BMPR2: variants seen among roughly 807,000 people sequenced by gnomAD.
BMPR2 encodes bone morphogenetic protein receptor type 2.
Under a neutral mutation model 100.8 loss-of-function variants are expected in BMPR2, and 29 were observed. The ratio of observed to expected loss-of-function variants is 0.29; its 90% CI spans 0.21 to 0.39. BMPR2 has a LOEUF of 0.39. Among genes scored for constraint, BMPR2 ranks in the 10% least tolerant of loss-of-function variants. The pLI is 1.00. For missense variants in BMPR2, 1,011 were observed against 1,274.5 expected (o/e 0.79, Z 3.15); for synonymous variants, 382 against 442.3 (o/e 0.86, Z 1.71).
At chr2:202,395,332 A>G (rs892338585) in intron 1 of BMPR2, among the ~76,000 whole-genome samples, 1 of 152,210 alleles carries the variant, frequency 6.6e-6, no homozygotes, top group African/African-American at 2.4e-5. Context: ...ATATCTTTAC[A>G]CCAATTGTGT....
At position 202,532,492 on chromosome 2, in the gene BMPR2, A is replaced by G; in HGVS notation, c.1129-93A>G. The G allele has an allele frequency of 6.9e-7, 1 of 1,453,650 alleles. No individual in the cohort carries two copies. Among genetic ancestry groups the G allele is most frequent in the Non-Finnish European group, 9.5e-7 (1 of 1,048,434 alleles). The allele number at this position is 1,453,650 out of a possible 1,614,324, so 90.0% of individuals were successfully genotyped here. On this transcript the variant is annotated intron_variant, in intron 8 of 12. Coordinates refer to ENST00000374580, the MANE Select transcript of BMPR2 (RefSeq NM_001204.7). The surrounding 1 kb of genome is among the most constrained non-coding windows in gnomAD (Gnocchi z 4.1). ...ATGGTTAGGGTCAAATAACATTGAC[A>G]TGACTAAGATTTATATATAACTTCT... is the stretch of plus-strand genomic sequence containing the variant.
chr2:202,468,065 G>GT (rs1320250056), intron 3 of BMPR2, among the ~76,000 whole-genome samples: 1 of 151,912 alleles, frequency 6.6e-6, no homozygotes, highest in Non-Finnish European at 1.5e-5. Flanking sequence ...ATTCAAAGTT[G>GT]TTGGGAGTGA....
intron 1 of BMPR2, among the ~76,000 whole-genome samples, chr2:202,383,489 C>T (rs911449102): frequency 2.0e-5 from 3 of 151,866 alleles, no homozygotes; most frequent in East Asian, 1.9e-4. Flanking sequence ...GAGACCAACC[C>T]GGCCAACGTG....
At chr2:202,482,153 T>C (rs1475449344) in intron 3 of BMPR2, among the ~76,000 whole-genome samples, 1 of 152,228 alleles carries the variant, frequency 6.6e-6, no homozygotes, top group Non-Finnish European at 1.5e-5. Context: ...TAGCATGTGT[T>C]AGAATTTTTT....
chr2:202,527,756 G>T (rs57267144), intron 7 of BMPR2, among the ~76,000 whole-genome samples: 1 of 147,162 alleles, frequency 6.8e-6, no homozygotes, highest in African/African-American at 2.5e-5. Flanking sequence ...CACTGCAGTC[G>T]GCAGTCCGGC....
intron 1 of BMPR2, among the ~76,000 whole-genome samples, chr2:202,438,567 A>T (rs1324945433): frequency 6.6e-6 from 1 of 150,578 alleles, no homozygotes; most frequent in East Asian, 1.9e-4. Flanking sequence ...CCTATGTTTT[A>T]TTCTGAGATA....
intron 12 of BMPR2, 99 bp from the exon 13 acceptor site, chr2:202,559,597 C>T (rs1171619805): frequency 7.8e-7 from 1 of 1,289,998 alleles, no homozygotes; most frequent in African/African-American, 1.5e-5. Flanking sequence ...CATTAGCACC[C>T]TCCTGAGACA....
chr2:202,510,372 G>T (rs903885823), intron 3 of BMPR2, among the ~76,000 whole-genome samples: 2 of 151,984 alleles, frequency 1.3e-5, no homozygotes, highest in Non-Finnish European at 2.9e-5. Context: ...AGCTGAGATC[G>T]TACATCTGTG....
intron 3 of BMPR2, among the ~76,000 whole-genome samples, chr2:202,480,007 G>A (rs906090645): frequency 2.6e-5 from 4 of 152,064 alleles, no homozygotes; most frequent in African/African-American, 9.7e-5. Flanking sequence ...GTAGATACAA[G>A]TCTCATTCTT....
At chr2:202,425,444 C>T (rs565030217) in intron 1 of BMPR2, among the ~76,000 whole-genome samples, 1 of 152,212 alleles carries the variant, frequency 6.6e-6, no homozygotes, top group African/African-American at 2.4e-5. Context: ...ATGTGATTGG[C>T]CAAAACTTTG....
In BMPR2 at chr2:202,495,059, T is replaced by G. The variant is rs1692994005; in HGVS notation, c.419-18660T>G. The stretch of plus-strand genomic sequence containing the variant: ...CCTCACAACAGTGTCTAGGAGTGAA[T>G]GTTTACAGCTCCTGAATCCGCAGTG... On this transcript the variant is annotated intron_variant, in intron 3 of 12. Coordinates refer to ENST00000374580, the MANE Select transcript of BMPR2 (RefSeq NM_001204.7). This position sits in a 1 kb window ranked among gnomAD's most constrained non-coding sequence, Gnocchi z 4.5. Among the ~76,000 whole-genome samples, 1 of 152,148 alleles carries G rather than the reference T, an allele frequency of 6.6e-6. No homozygotes were observed. Among genetic ancestry groups the G allele is most frequent in the Non-Finnish European group, 1.5e-5 (1 of 68,024 alleles).
chr2:202,427,160 G>A (rs192956461), intron 1 of BMPR2, among the ~76,000 whole-genome samples: 5 of 152,214 alleles, frequency 3.3e-5, no homozygotes, highest in Admixed American at 3.3e-4. Context: ...AGACAAACCT[G>A]CCAACATAGT....
intron 1 of BMPR2, among the ~76,000 whole-genome samples, chr2:202,460,817 CTT>C (rs35366212): frequency 5.7e-4 from 75 of 132,000 alleles, no homozygotes; most frequent in African/African-American, 1.5e-3. Context: ...AAAGACCAAA[CTT>C]TTTTTTTTTT....
chr2:202,424,050 G>T (rs1258393668), intron 1 of BMPR2, among the ~76,000 whole-genome samples: 1 of 140,446 alleles, frequency 7.1e-6, no homozygotes, highest in African/African-American at 2.6e-5. Flanking sequence ...TCCAGCCTGG[G>T]TGACAGAGCA....
intron 1 of BMPR2, among the ~76,000 whole-genome samples, chr2:202,448,475 A>AAT (rs942071888): frequency 3.3e-5 from 5 of 150,558 alleles, no homozygotes; most frequent in African/African-American, 4.9e-5. Context: ...AAAAATAAAA[A>AAT]AAAAAAAGTG....
intron 3 of BMPR2, among the ~76,000 whole-genome samples, chr2:202,511,951 G>A (rs1396222966): frequency 6.6e-6 from 1 of 151,852 alleles, no homozygotes; most frequent in Non-Finnish European, 1.5e-5. Flanking sequence ...AGTCTGGGAT[G>A]TGGAGTTTGC....
chr2:202,377,136 T>G lies in BMPR2; in HGVS notation c.-339T>G. On this transcript the variant is annotated 5_prime_UTR_variant, in exon 1 of 13. In the 5' UTR this introduces an upstream ATG that the reference lacks. Coordinates refer to ENST00000374580, the MANE Select transcript of BMPR2 (RefSeq NM_001204.7). Reference sequence around the variant, plus strand: ...TATGTTTTCTCCCAGACCTGGATATTTTTTTGATATCGTGAAACTACGAGG... The same window carrying G: ...TATGTTTTCTCCCAGACCTGGATATGTTTTTGATATCGTGAAACTACGAGG... 1.7e-6 allele frequency: 1 copy of G among 585,688 alleles called. No homozygotes were observed. Among genetic ancestry groups the G allele is most frequent in the South Asian group, 2.1e-5 (1 of 47,182 alleles). The allele number at this position is 585,688 out of a possible 1,614,324, so 36.3% of individuals were successfully genotyped here.
At chr2:202,550,306 G>C (rs1688453777) in intron 10 of BMPR2, among the ~76,000 whole-genome samples, 1 of 151,056 alleles carries the variant, frequency 6.6e-6, no homozygotes, top group Non-Finnish European at 1.5e-5. Flanking sequence ...CCAAGAGGTG[G>C]AGCTTGCAGT....
chr2:202,449,056 A>AC (rs770732304), intron 1 of BMPR2, among the ~76,000 whole-genome samples: 1 of 151,378 alleles, frequency 6.6e-6, no homozygotes, highest in East Asian at 1.9e-4. Flanking sequence ...GGCAGCTCAC[A>AC]CCTGTAATCC....
Sources: gnomAD v4.1 joint callset for allele counts (sites outside exome capture counted in the v4.1 genomes callset) on GRCh38, gnomAD v4.1.1 for gene constraint, Gnocchi (gnomAD v3.1) non-coding constraint, MANE v1.5 for transcripts, NCBI Gene and HGNC (gene_info 2026-07-23, HGNC 2026-07-21) for gene names.